Variants in HSPA14 observed in about 807,000 individuals in gnomAD.
The protein encoded by HSPA14 is heat shock 70 kDa protein 14.
A neutral mutation model predicts 65.5 loss-of-function variants in HSPA14; 37 were observed. That is an observed-to-expected ratio of 0.56 (90% CI 0.43 to 0.74). The LOEUF (loss-of-function observed/expected upper bound fraction) is 0.74. Ranked by LOEUF, HSPA14 falls within the 30% of genes least tolerant of loss-of-function variation. The pLI, the probability that HSPA14 is intolerant of heterozygous loss-of-function variation, is 0.00. For missense variants in HSPA14, 564 were observed against 607.6 expected (o/e 0.93, Z 0.75); for synonymous variants, 203 against 214.2 (o/e 0.95, Z 0.46).
intron 10 of HSPA14, among the ~76,000 whole-genome samples, chr10:14,860,613 G>A (rs1045623779): frequency 2.6e-5 from 4 of 152,164 alleles, no homozygotes; most frequent in Admixed American, 6.5e-5. Flanking sequence ...TGTGAGTGGT[G>A]CCTGAGGAGC....
At chr10:14,843,584 C>G in intron 3 of HSPA14, 1 of 1,550,574 alleles carries the variant, frequency 6.4e-7, no homozygotes, top group Non-Finnish European at 8.7e-7. Context: ...GGGGATAGGC[C>G]CTTGACCAGT....
At chr10:14,870,317 C>T (rs1832843601) in intron 12 of HSPA14, among the ~76,000 whole-genome samples, 1 of 152,030 alleles carries the variant, frequency 6.6e-6, no homozygotes, top group Non-Finnish European at 1.5e-5. Context: ...ATTAATAGTA[C>T]ATCTTAGAAA....
At chr10:14,865,783 G>A (rs547554106) in intron 10 of HSPA14, among the ~76,000 whole-genome samples, 5 of 152,308 alleles carry the variant, frequency 3.3e-5, no homozygotes, top group South Asian at 2.1e-4. Flanking sequence ...GCTTAGGATT[G>A]ACTTGGCAAC....
chr10:14,844,205 T>C, intron 3 of HSPA14: 1 of 1,148,870 alleles, frequency 8.7e-7, no homozygotes, highest in Non-Finnish European at 1.1e-6. Context: ...ATCCGTAAAA[T>C]GGGGATCAAT....
At chr10:14,840,891 A>G (rs1325994093) in intron 3 of HSPA14, among the ~76,000 whole-genome samples, 1 of 152,176 alleles carries the variant, frequency 6.6e-6, no homozygotes. Context: ...ATCATTCCCC[A>G]TTTATAGATG....
At chr10:14,870,543 A>T in intron 12 of HSPA14, 54 bp from the exon 13 acceptor site, 1 of 1,536,260 alleles carries the variant, frequency 6.5e-7, no homozygotes, top group South Asian at 1.2e-5. Context: ...TTGATACATC[A>T]GTTCATTTAT....
At chr10:14,856,364 T>G (rs1238337236) in intron 10 of HSPA14, among the ~76,000 whole-genome samples, 1 of 152,190 alleles carries the variant, frequency 6.6e-6, no homozygotes, top group African/African-American at 2.4e-5. Context: ...AGAGATTAAG[T>G]AGCTTCCTCA....
rs1352959911 is a variant in HSPA14, at chr10:14,847,011, G to C, written c.222-1598G>C. ...TTCACTTGTATGTAGTTGTGGGTCAGTCCACTACTTTGTGATGATGTCTGT... is the reference window on the plus strand; with the variant it reads ...TTCACTTGTATGTAGTTGTGGGTCACTCCACTACTTTGTGATGATGTCTGT... On this transcript the variant is annotated intron_variant, in intron 3 of 13. Transcript: ENST00000378372. The C allele has an allele frequency of 3.0e-6, 3 of 985,370 alleles. No homozygotes were observed. The African/African-American group carries it at 5.2e-5, about 17-fold the overall frequency. The allele number at this position is 985,370 out of a possible 1,614,324, so 61.0% of individuals were successfully genotyped here. A position where few individuals can be genotyped will look rare whatever the true frequency, so the allele number is the denominator to read the frequency against.
chr10:14,865,636 A>G (rs2131648308), intron 10 of HSPA14, among the ~76,000 whole-genome samples: 1 of 152,040 alleles, frequency 6.6e-6, no homozygotes, highest in South Asian at 2.1e-4. Flanking sequence ...ATAGTTGTAG[A>G]TGTGTGGTAT....
At chr10:14,863,684 C>T (rs901316237) in intron 10 of HSPA14, among the ~76,000 whole-genome samples, 4 of 152,150 alleles carry the variant, frequency 2.6e-5, no homozygotes, top group Non-Finnish European at 5.9e-5. Context: ...TGCTTCTCCC[C>T]ACCCTCCTCT....
chr10:14,854,689 A>G (rs1834133261), intron 9 of HSPA14, among the ~76,000 whole-genome samples: 1 of 152,130 alleles, frequency 6.6e-6, no homozygotes, highest in South Asian at 2.1e-4. Flanking sequence ...TGCAGTATAT[A>G]TTTTTTTAGG....
At chr10:14,839,584 A>AG (rs1186211036) in intron 1 of HSPA14, among the ~76,000 whole-genome samples, 1 of 152,100 alleles carries the variant, frequency 6.6e-6, no homozygotes, top group Non-Finnish European at 1.5e-5. Context: ...AAAAAAAAAA[A>AG]AAAGAAATGG....
chr10:14,863,329 A>G (rs956641929), intron 10 of HSPA14, among the ~76,000 whole-genome samples: 2 of 152,154 alleles, frequency 1.3e-5, no homozygotes, highest in Non-Finnish European at 2.9e-5. Context: ...GAGCAGTCCT[A>G]GTTTTTGCTG....
At chr10:14,839,571 CAAAAAA>C (rs755617483) in intron 1 of HSPA14, among the ~76,000 whole-genome samples, 6 of 79,748 alleles carry the variant, frequency 7.5e-5, no homozygotes, top group African/African-American at 1.8e-4. Flanking sequence ...ACTCCGTGTC[CAAAAAA>C]AAAAAAAAAA....
intron 10 of HSPA14, among the ~76,000 whole-genome samples, chr10:14,866,092 T>A (rs933376791): frequency 6.6e-6 from 1 of 152,212 alleles, no homozygotes; most frequent in African/African-American, 2.4e-5. Flanking sequence ...GCTTTTTTGA[T>A]GTTGAATATG....
chr10:14,871,670 G>T lies in HSPA14; in HGVS notation c.*64G>T, dbSNP rs1302410229. The T allele has an allele frequency of 2.0e-5, 17 of 834,258 alleles. No individual in the cohort carries two copies. The Admixed American group carries it at 4.0e-4, about 20-fold the overall frequency. 51.7% of individuals were successfully genotyped at this position (834,258 alleles called of 1,614,324 possible). On this transcript the variant is annotated 3_prime_UTR_variant, in exon 14 of 14. Coordinates refer to ENST00000378372, the MANE Select transcript of HSPA14 (RefSeq NM_016299.4). The stretch of plus-strand genomic sequence containing the variant: ...TCAACATTTGGTTTTGTGTATAAGT[G>T]GTGTTTGTATTAAAATACTTTTTCA...
At chr10:14,867,413 T>C in intron 11 of HSPA14, 118 bp downstream of exon 11, 2 of 688,160 alleles carry the variant, frequency 2.9e-6, no homozygotes, top group Non-Finnish European at 4.9e-6. Flanking sequence ...AATAAAACCT[T>C]GTATACTGAC....
At chr10:14,844,613 A>G (rs1448586599) in intron 3 of HSPA14, 1 of 985,242 alleles carries the variant, frequency 1.0e-6, no homozygotes, top group South Asian at 4.7e-5. Flanking sequence ...ACTGGTTCTT[A>G]GTCTCCTATC....
In HSPA14 at chr10:14,839,937, C is replaced by A. The variant is rs61736311; in HGVS notation, c.90C>A (p.Ala30=). The A allele has an allele frequency of 6.2e-7, 1 of 1,612,450 alleles. No homozygotes were observed. Among genetic ancestry groups the A allele is most frequent in the East Asian group, 2.2e-5 (1 of 44,822 alleles). The change falls in exon 2 of 14, where the codon GCC becomes GCA. Residue 30 remains alanine, a synonymous_variant. Coordinates refer to ENST00000378372, the MANE Select transcript of HSPA14 (RefSeq NM_016299.4). ...GGGCTGGTGTGGTTGCAAATGATGC[C>A]GGTGACCGAGTTACTCCAGCTGTTG... is the stretch of plus-strand genomic sequence containing the variant. The part of the protein sequence containing the change: ...DGRAGVVAND[A]GDRVTPAVVA...
Sources: allele counts gnomAD v4.1 joint callset (sites outside exome capture counted in the v4.1 genomes callset), GRCh38; gene constraint gnomAD v4.1.1; transcripts MANE v1.5; gene names NCBI Gene and HGNC (gene_info 2026-07-23, HGNC 2026-07-21).